Variants in PLA2G4A observed in about 807,000 individuals in gnomAD.
PLA2G4A encodes phospholipase A2 group IVA.
In PLA2G4A, 40 loss-of-function variants were observed where a neutral mutation model predicts 81.9. That is an observed-to-expected ratio of 0.49 (90% CI 0.38 to 0.64). The LOEUF is 0.64. PLA2G4A is among the 30% of genes least tolerant of loss of function. The pLI is 0.00. For missense variants in PLA2G4A, 715 were observed against 905.1 expected (o/e 0.79, Z 2.69); for synonymous variants, 302 against 296.9 (o/e 1.02, Z -0.18).
At chr1:186,942,778 T>C (rs1291863807) in intron 10 of PLA2G4A, among the ~76,000 whole-genome samples, 1 of 152,192 alleles carries the variant, frequency 6.6e-6, no homozygotes, top group Non-Finnish European at 1.5e-5. Context: ...TTAGTAGTCT[T>C]TGGACCTGGA....
intron 6 of PLA2G4A, among the ~76,000 whole-genome samples, chr1:186,908,947 G>T (rs1654835513): frequency 6.8e-6 from 1 of 147,812 alleles, no homozygotes; most frequent in Non-Finnish European, 1.5e-5. Flanking sequence ...GTACAGGTAA[G>T]ATTTTAATTT....
intron 3 of PLA2G4A, among the ~76,000 whole-genome samples, chr1:186,882,194 T>A (rs754406510): frequency 2.6e-5 from 4 of 152,122 alleles, no homozygotes; most frequent in African/African-American, 9.7e-5. Context: ...TGCAGATGTA[T>A]CTAGATAAAA....
At chr1:186,854,581 A>C (rs2102027758) in intron 2 of PLA2G4A, among the ~76,000 whole-genome samples, 194 bp downstream of exon 2, 1 of 152,050 alleles carries the variant, frequency 6.6e-6, no homozygotes, top group Admixed American at 6.6e-5. Context: ...TATTACTGTA[A>C]GTTTCCAGAA....
At chr1:186,966,520 A>G (rs1383130287) in intron 15 of PLA2G4A, among the ~76,000 whole-genome samples, 1 of 152,190 alleles carries the variant, frequency 6.6e-6, no homozygotes, top group Non-Finnish European at 1.5e-5. Context: ...AGGAATTAGG[A>G]GTCAAGGTTA....
At chr1:186,867,952 A>G (rs1197777826) in intron 2 of PLA2G4A, among the ~76,000 whole-genome samples, 1 of 151,974 alleles carries the variant, frequency 6.6e-6, no homozygotes, top group East Asian at 1.9e-4. Flanking sequence ...ATCTGTTGAT[A>G]TGATCATGTA....
At chr1:186,956,062 T>A (rs5007824) in intron 13 of PLA2G4A, 40 bp from the exon 14 acceptor site, 1 of 1,587,832 alleles carries the variant, frequency 6.3e-7, no homozygotes, top group Non-Finnish European at 8.6e-7. Flanking sequence ...TTTAAACATG[T>A]ATTTTGGAGT....
intron 1 of PLA2G4A, among the ~76,000 whole-genome samples, chr1:186,847,767 C>T (rs1171133247): frequency 6.6e-6 from 1 of 151,960 alleles, no homozygotes; most frequent in Non-Finnish European, 1.5e-5. Flanking sequence ...GGGTGGAGAT[C>T]TGGAGAGGAA....
At chr1:186,938,554 T>A (rs1169307255) in intron 8 of PLA2G4A, among the ~76,000 whole-genome samples, 4 of 152,114 alleles carry the variant, frequency 2.6e-5, no homozygotes, top group Non-Finnish European at 5.9e-5. Context: ...AATTAGGAAT[T>A]TACAATAGTT....
intron 1 of PLA2G4A, 141 bp from the exon 2 acceptor site, chr1:186,854,145 C>G (rs563929564): frequency 2.0e-6 from 1 of 496,452 alleles, no homozygotes; most frequent in African/African-American, 1.9e-5. Flanking sequence ...TGTGTGATAA[C>G]CCATTCGTAT....
rs1307238336 is a variant in PLA2G4A at position 186,968,432 on chromosome 1, G to GTGTGTGTGTGTGTGTT, written c.1764+2840_1764+2841insGTGTGTGTGTGTGTTT. Among the ~76,000 whole-genome samples the GTGTGTGTGTGTGTGTT allele has an allele frequency of 5.3e-5, 8 of 151,194 alleles. No homozygotes were observed. The South Asian group carries it at 1.7e-3, about 32-fold the overall frequency. ...TGTGTGTGTGTGTGTGTGTGTGTGT[G>GTGTGTGTGTGTGTGTT]TATGTGTCTATACCAGGGTCATGTA... is the stretch of plus-strand genomic sequence containing the variant. On this transcript the variant is annotated intron_variant, in intron 15 of 17. Coordinates refer to ENST00000367466, the MANE Select transcript of PLA2G4A (RefSeq NM_024420.3).
At chr1:186,967,716 C>G (rs1024055298) in intron 15 of PLA2G4A, among the ~76,000 whole-genome samples, 1 of 151,976 alleles carries the variant, frequency 6.6e-6, no homozygotes, top group Non-Finnish European at 1.5e-5. Context: ...AGGGTGAGAA[C>G]AGCACAGAGA....
At chr1:186,944,970 T>C (rs7526761) in intron 10 of PLA2G4A, among the ~76,000 whole-genome samples, 17,567 of 152,092 alleles carry the variant, frequency 0.12, 2,714 homozygotes, top group African/African-American at 0.35. Flanking sequence ...AAGAAGCTTA[T>C]GAATTTTTGA....
chr1:186,969,121 C>A (rs1413972701), intron 15 of PLA2G4A, among the ~76,000 whole-genome samples: 1 of 151,644 alleles, frequency 6.6e-6, no homozygotes, highest in Admixed American at 6.6e-5. Flanking sequence ...CCTAATATGT[C>A]ATTTGTATTG....
chr1:186,838,035 C>T lies in PLA2G4A; in HGVS notation c.-70+9000C>T, dbSNP rs545456366. 3.9e-5 allele frequency among the ~76,000 whole-genome samples: 6 copies of T among 152,120 alleles called. No individual in the cohort carries two copies. The East Asian group carries it at 1.2e-3, about 29-fold the overall frequency. ...TCTCAGTGAAGGAAGATGAGGTCGCCTGCTAAGAGTGGGAGTTGGGGTGGG... is the reference window on the plus strand; with the variant it reads ...TCTCAGTGAAGGAAGATGAGGTCGCTTGCTAAGAGTGGGAGTTGGGGTGGG... On this transcript the variant is annotated intron_variant, in intron 1 of 17. Transcript: ENST00000367466.
chr1:186,848,479 G>A (rs1000535245), intron 1 of PLA2G4A, among the ~76,000 whole-genome samples: 4 of 152,014 alleles, frequency 2.6e-5, no homozygotes, highest in Non-Finnish European at 5.9e-5. Flanking sequence ...TTAACTCAAC[G>A]AACCCGGCAT....
intron 10 of PLA2G4A, among the ~76,000 whole-genome samples, chr1:186,941,948 T>C (rs10911962): frequency 0.31 from 46,507 of 152,162 alleles, 9,657 homozygotes; most frequent in African/African-American, 0.58. Flanking sequence ...AGACAAAGTA[T>C]GTAAACAATG....
chr1:186,969,082 T>C (rs1343942388), intron 15 of PLA2G4A, among the ~76,000 whole-genome samples: 1 of 151,876 alleles, frequency 6.6e-6, no homozygotes, highest in African/African-American at 2.4e-5. Context: ...TTAAGAATAT[T>C]AAAGTTTGTC....
At chr1:186,930,541 A>G (rs1264659314) in intron 7 of PLA2G4A, among the ~76,000 whole-genome samples, 1 of 152,218 alleles carries the variant, frequency 6.6e-6, no homozygotes, top group Non-Finnish European at 1.5e-5. Context: ...TCTCTTGCTG[A>G]ATAACAGTGC....
At chr1:186,854,172 C>G (rs1386307750) in intron 1 of PLA2G4A, 114 bp from the exon 2 acceptor site, 2 of 559,376 alleles carry the variant, frequency 3.6e-6, no homozygotes, top group Non-Finnish European at 6.4e-6. Context: ...GGAACTCAAC[C>G]TATCTAGTGT....
Sources: allele counts gnomAD v4.1 joint callset (sites outside exome capture counted in the v4.1 genomes callset), GRCh38; gene constraint gnomAD v4.1.1; transcripts MANE v1.5; gene names NCBI Gene and HGNC (gene_info 2026-07-23, HGNC 2026-07-21).